Variants in SLC25A26 observed in about 807,000 individuals in gnomAD.
SLC25A26 encodes solute carrier family 25 member 26, also known as mitochondrial S-adenosylmethionine carrier protein.
SLC25A26 carries 36 observed loss-of-function variants against 37.8 expected under a neutral mutation model. The ratio of observed to expected loss-of-function variants is 0.95; its 90% CI spans 0.73 to 1.26. The LOEUF (loss-of-function observed/expected upper bound fraction) is 1.26. Among genes scored for constraint, SLC25A26 ranks in the 50% most tolerant of loss-of-function variants. The pLI, the probability that SLC25A26 is intolerant of heterozygous loss-of-function variation, is 0.00. For missense variants in SLC25A26, 390 were observed against 331.1 expected (o/e 1.18, Z -1.38); for synonymous variants, 129 against 122.5 (o/e 1.05, Z -0.35).
rs140883024 is a variant in SLC25A26 at position 66,256,135 on chromosome 3, T to G, written c.301-5916T>G. The stretch of plus-strand genomic sequence containing the variant: ...CTCTTGAATTGAAAAATACAAGGAG[T>G]TAGTATACCCTTTTCTTTCTCTTAT... On this transcript the variant is annotated intron_variant, in intron 3 of 9. Coordinates refer to ENST00000354883, the MANE Select transcript of SLC25A26 (RefSeq NM_001379210.1). Among the ~76,000 whole-genome samples the G allele has an allele frequency of 2.5e-3, 385 of 152,214 alleles. 2 individuals carry two copies. The highest frequency in any genetic ancestry group is 8.8e-3 in the African/African-American group (367 of 41,540).
At chr3:66,302,277 A>C (rs2075098063) in intron 5 of SLC25A26, among the ~76,000 whole-genome samples, 1 of 152,248 alleles carries the variant, frequency 6.6e-6, no homozygotes, top group African/African-American at 2.4e-5. Context: ...AGGTTTTTGC[A>C]AACTACAAGC....
intron 5 of SLC25A26, among the ~76,000 whole-genome samples, chr3:66,277,859 A>G (rs1349122785): frequency 6.6e-6 from 1 of 152,146 alleles, no homozygotes; most frequent in Non-Finnish European, 1.5e-5. Context: ...AAGATGCATA[A>G]TCTCAGTGTG....
chr3:66,353,828 A>G (rs1475654146), intron 6 of SLC25A26, among the ~76,000 whole-genome samples: 5 of 152,176 alleles, frequency 3.3e-5, no homozygotes, highest in African/African-American at 1.2e-4. Context: ...CGAATTTTCC[A>G]CGTGCTTGTG....
intron 3 of SLC25A26, among the ~76,000 whole-genome samples, chr3:66,259,166 A>T: frequency 6.6e-6 from 1 of 152,156 alleles, no homozygotes; most frequent in East Asian, 1.9e-4. Context: ...CTGGGCTGCC[A>T]GAGAAGGCAG....
intron 3 of SLC25A26, among the ~76,000 whole-genome samples, chr3:66,260,144 T>C (rs1407688856): frequency 1.3e-5 from 2 of 152,080 alleles, no homozygotes; most frequent in Non-Finnish European, 2.9e-5. Context: ...AATCTGGGGG[T>C]TGGACTAAAT....
intron 1 of SLC25A26, among the ~76,000 whole-genome samples, chr3:66,209,469 A>G (rs1156556230): frequency 1.4e-5 from 2 of 141,626 alleles, no homozygotes; most frequent in Non-Finnish European, 1.5e-5. Context: ...GTATATATAT[A>G]TAAAGGTGTA....
chr3:66,273,315 G>T (rs142493254), intron 5 of SLC25A26, among the ~76,000 whole-genome samples: 24,403 of 152,068 alleles, frequency 0.16, 2,380 homozygotes, highest in Non-Finnish European at 0.22. Flanking sequence ...CATAAAATGA[G>T]TTAGGGAGGA....
chr3:66,338,645 A>G (rs2076143171), intron 5 of SLC25A26, among the ~76,000 whole-genome samples: 1 of 151,926 alleles, frequency 6.6e-6, no homozygotes, highest in Non-Finnish European at 1.5e-5. Context: ...TCTATTCCTA[A>G]AACCTTTTTA....
intron 5 of SLC25A26, among the ~76,000 whole-genome samples, chr3:66,263,715 G>C (rs971423944): frequency 2.0e-5 from 3 of 152,062 alleles, no homozygotes; most frequent in Non-Finnish European, 4.4e-5. Flanking sequence ...CTGGCGTGCA[G>C]TGGCGCGATC....
At chr3:66,220,871 C>T, upstream of SLC25A26, 1 of 588,072 alleles carries the variant, frequency 1.7e-6, no homozygotes, top group Non-Finnish European at 3.0e-6. Flanking sequence ...AAGGGATTTG[C>T]CGAGACTTAG....
intron 1 of SLC25A26, among the ~76,000 whole-genome samples, chr3:66,205,477 G>A (rs2071164226): frequency 6.6e-6 from 1 of 152,154 alleles, no homozygotes; most frequent in Non-Finnish European, 1.5e-5. Context: ...GATATGGAGG[G>A]AGATATTTTG....
At chr3:66,165,197 T>C (rs1173433373) in intron 1 of SLC25A26, among the ~76,000 whole-genome samples, 3 of 152,202 alleles carry the variant, frequency 2.0e-5, no homozygotes, top group African/African-American at 7.2e-5. Flanking sequence ...AACACCCACC[T>C]TCAACTTGCC....
At chr3:66,315,696 A>T (rs2075518955) in intron 5 of SLC25A26, among the ~76,000 whole-genome samples, 3 of 152,052 alleles carry the variant, frequency 2.0e-5, no homozygotes, top group African/African-American at 4.8e-5. Flanking sequence ...TCAATGGTCT[A>T]TCCTTGATAG....
chr3:66,241,234 T>C (rs183617504), intron 2 of SLC25A26, among the ~76,000 whole-genome samples: 166 of 152,188 alleles, frequency 1.1e-3, no homozygotes, highest in African/African-American at 3.8e-3. Context: ...ACCCTACACA[T>C]TGTGACTTAA....
intron 5 of SLC25A26, among the ~76,000 whole-genome samples, chr3:66,307,790 G>C (rs2075269034): frequency 6.6e-6 from 1 of 152,174 alleles, no homozygotes. Flanking sequence ...TGTCAGGTTT[G>C]TCAAAGAGCA....
At chr3:66,208,864 G>A (rs1331268441) in intron 1 of SLC25A26, among the ~76,000 whole-genome samples, 1 of 12,628 alleles carries the variant, frequency 7.9e-5, no homozygotes, top group African/African-American at 1.0e-4. Context: ...CTTTATATGG[G>A]TGTGTGTATA....
intron 5 of SLC25A26, among the ~76,000 whole-genome samples, chr3:66,344,427 C>T (rs547795130): frequency 1.3e-4 from 19 of 151,874 alleles, no homozygotes; most frequent in African/African-American, 4.6e-4. Context: ...CGTGCCACTG[C>T]ACTCCCGCCT....
chr3:66,311,885 T>C (rs914953546), intron 5 of SLC25A26, among the ~76,000 whole-genome samples: 3 of 152,112 alleles, frequency 2.0e-5, no homozygotes, highest in Non-Finnish European at 4.4e-5. Flanking sequence ...GAGGGGCACA[T>C]ACCAGATGCC....
chr3:66,248,460 C>T lies in SLC25A26; in HGVS notation c.300+5148C>T, dbSNP rs1371255996. On this transcript the variant is annotated intron_variant, in intron 3 of 9. Coordinates refer to ENST00000354883, the MANE Select transcript of SLC25A26 (RefSeq NM_001379210.1). Reference sequence around the variant, plus strand: ...TAGATCAAAGGTTGGGGCAGGTTTACTTTAACGGTACATATGCTATAACAT... The same window carrying T: ...TAGATCAAAGGTTGGGGCAGGTTTATTTTAACGGTACATATGCTATAACAT... Among the ~76,000 whole-genome samples, 3 of 152,200 alleles carry T rather than the reference C, an allele frequency of 2.0e-5. No homozygotes were observed. The East Asian group carries it at 5.8e-4, about 29-fold the overall frequency.
Sources: allele counts gnomAD v4.1 joint callset (sites outside exome capture counted in the v4.1 genomes callset), GRCh38; gene constraint gnomAD v4.1.1; transcripts MANE v1.5; gene names NCBI Gene and HGNC (gene_info 2026-07-23, HGNC 2026-07-21).